Variants in UBE2O observed in about 807,000 individuals in gnomAD.
UBE2O encodes the protein (E3-independent) E2 ubiquitin-conjugating enzyme.
A neutral mutation model predicts 125.8 loss-of-function variants in UBE2O; 15 were observed. The ratio of observed to expected loss-of-function variants is 0.12; its 90% CI spans 0.08 to 0.18. The LOEUF is 0.18. UBE2O is among the 10% of genes least tolerant of loss of function. UBE2O has a pLI of 1.00. For missense variants in UBE2O, 1,280 were observed against 1,723.6 expected (o/e 0.74, Z 4.56); for synonymous variants, 708 against 703.2 (o/e 1.01, Z -0.11).
chr17:76,399,229 G>T lies in UBE2O; in HGVS notation c.1628+220C>A. The T allele has an allele frequency of 1.4e-6, 1 of 714,648 alleles. No homozygotes were observed. The highest frequency in any genetic ancestry group is 2.3e-6 in the Non-Finnish European group (1 of 439,962). 44.3% of individuals were successfully genotyped at this position (714,648 alleles called of 1,614,324 possible). On this transcript the variant is annotated intron_variant, in intron 9 of 17. Coordinates refer to ENST00000319380, the MANE Select transcript of UBE2O (RefSeq NM_022066.4). This position sits in a 1 kb window ranked among gnomAD's most constrained non-coding sequence, Gnocchi z 6.9. Reference sequence around the variant, plus strand: ...GGCAAATGTGGTTCCAGAAGGCCAAGCTTAAGGCCACCACCATCCCACCCT... The same window carrying T: ...GGCAAATGTGGTTCCAGAAGGCCAATCTTAAGGCCACCACCATCCCACCCT...
intron 1 of UBE2O, chr17:76,430,268 C>A (rs1330985752): frequency 2.0e-5 from 3 of 152,598 alleles, no homozygotes; most frequent in Admixed American, 2.0e-4. Context: ...GTTATTTTAG[C>A]AGAGTTTCTA....
chr17:76,443,772 T>A (rs1221141760), intron 1 of UBE2O, among the ~76,000 whole-genome samples: 1 of 151,550 alleles, frequency 6.6e-6, no homozygotes, highest in Non-Finnish European at 1.5e-5. Flanking sequence ...AGCAGGGAGG[T>A]CACTCCAAAA....
chr17:76,420,620 C>T (rs552711358), intron 1 of UBE2O, among the ~76,000 whole-genome samples: 6 of 152,310 alleles, frequency 3.9e-5, no homozygotes, highest in African/African-American at 1.4e-4. Context: ...TCTGTAACTA[C>T]ATCTTTGCGA....
In UBE2O at chr17:76,453,084, G is replaced by C; in HGVS notation, c.58C>G (p.Pro20Ala). 8.7e-7 allele frequency: 1 copy of C among 1,147,856 alleles called. No individual in the cohort carries two copies. The highest frequency in any genetic ancestry group is 1.1e-6 in the Non-Finnish European group (1 of 872,608). The allele number at this position is 1,147,856 out of a possible 1,614,324, so 71.1% of individuals were successfully genotyped here. ...GGGGCCGGGACTGCCTCCGGGGCTG[G>C]AGCCGGGGCCTGGGCTGGAGCGGGA... ...AAPAPAQAPAPAPEAVPAPAA... is the reference protein window; with the variant it reads ...AAPAPAQAPAAAPEAVPAPAA... Residue 20 changes from proline (P) to alanine (A), a missense_variant, in exon 1 of 18, where the codon CCA becomes GCA. Pro to Ala is a conservative substitution (Grantham distance 27). Around this residue, in one of 10 missense-constraint regions of UBE2O, gnomAD observed 188 missense variants for 192.5 expected, o/e 0.98. Coordinates refer to ENST00000319380, the MANE Select transcript of UBE2O (RefSeq NM_022066.4).
At position 76,423,956 on chromosome 17, in the gene UBE2O, CT is replaced by C. The variant is rs1311161280; in HGVS notation, c.418-18385del. On this transcript the variant is annotated intron_variant, in intron 1 of 17. Transcript: ENST00000319380. ...TCGCTCTGTCACCCAGGCTGTAGTG[CT>C]AGTGCAGCGGCGCGATCTTGGCTCA... 2.8e-3 allele frequency among the ~76,000 whole-genome samples: 336 copies of C among 120,764 alleles called. 1 individual carries two copies. The highest frequency in any genetic ancestry group is 3.6e-3 in the Non-Finnish European group (227 of 62,744). The allele number at this position is 120,764 out of a possible 152,430, so 79.2% of individuals were successfully genotyped here. A position where few individuals can be genotyped will look rare whatever the true frequency, so the allele number is the denominator to read the frequency against.
In UBE2O at chr17:76,391,039, A is replaced by G; in HGVS notation, c.3783T>C (p.Leu1261=). The change falls in exon 18 of 18, where the codon CTT becomes CTC. Residue 1261 remains leucine, a synonymous_variant. Coordinates refer to ENST00000319380, the MANE Select transcript of UBE2O (RefSeq NM_022066.4). The surrounding 1 kb of genome is among the most constrained non-coding windows in gnomAD (Gnocchi z 8.4). ...YPDIGFPLFP[L]SKGFIKSIRG... Reference sequence around the variant, plus strand: ...GGATGCTCTTGATGAAACCCTTGGAAAGTGGGAAGAGGGGGAAGCCGATGT... The same window carrying G: ...GGATGCTCTTGATGAAACCCTTGGAGAGTGGGAAGAGGGGGAAGCCGATGT... 1 of 1,613,950 alleles carries G rather than the reference A, an allele frequency of 6.2e-7. No homozygotes were observed. The highest frequency in any genetic ancestry group is 8.5e-7 in the Non-Finnish European group (1 of 1,180,012).
chr17:76,402,838 C>T lies in UBE2O; in HGVS notation c.589-139G>A. On this transcript the variant is annotated intron_variant, in intron 3 of 17. Coordinates refer to ENST00000319380, the MANE Select transcript of UBE2O (RefSeq NM_022066.4). The surrounding 1 kb of genome is among the most constrained non-coding windows in gnomAD (Gnocchi z 5.4). ...CTGACTGGACCGGTTGGCTACTAGC[C>T]CTAAACAGCTGCTGCAGCAGGCCCT... 2.9e-6 allele frequency: 2 copies of T among 688,194 alleles called. No individual in the cohort carries two copies. The highest frequency in any genetic ancestry group is 5.1e-6 in the Non-Finnish European group (2 of 391,064). The allele number at this position is 688,194 out of a possible 1,614,324, so 42.6% of individuals were successfully genotyped here.
At chr17:76,442,015 G>A in intron 1 of UBE2O, among the ~76,000 whole-genome samples, 1 of 152,308 alleles carries the variant, frequency 6.6e-6, no homozygotes, top group Admixed American at 6.5e-5. Context: ...CCTAAGGTGA[G>A]GACTGGGTGC....
intron 1 of UBE2O, among the ~76,000 whole-genome samples, chr17:76,443,734 C>T (rs1201538513): frequency 1.3e-5 from 2 of 151,996 alleles, no homozygotes; most frequent in Non-Finnish European, 2.9e-5. Flanking sequence ...TGGAAGTCAC[C>T]TAAATACAGG....
chr17:76,402,591 T>G lies in UBE2O; in HGVS notation c.686+11A>C. 6.2e-7 allele frequency: 1 copy of G among 1,612,380 alleles called. No individual in the cohort carries two copies. On this transcript the variant is annotated intron_variant, in intron 4 of 17. Transcript: ENST00000319380. The surrounding 1 kb of genome is among the most constrained non-coding windows in gnomAD (Gnocchi z 5.4). ...TCCCAAGCCGATGGCTCTCTGGTGGTGAGACTCTACCTGGCGCCGTTGGAT... is the reference window on the plus strand; with the variant it reads ...TCCCAAGCCGATGGCTCTCTGGTGGGGAGACTCTACCTGGCGCCGTTGGAT...
intron 1 of UBE2O, among the ~76,000 whole-genome samples, chr17:76,450,427 C>T (rs1035711923): frequency 6.6e-6 from 1 of 152,146 alleles, no homozygotes; most frequent in African/African-American, 2.4e-5. Context: ...AGAACTATAT[C>T]TTGCCACCCA....
chr17:76,424,207 CTTTTT>C (rs569775028), intron 1 of UBE2O, among the ~76,000 whole-genome samples: 1 of 105,288 alleles, frequency 9.5e-6, no homozygotes, highest in Non-Finnish European at 1.9e-5. Context: ...CGCGCCCGGC[CTTTTT>C]TTTTTTTTTT....
chr17:76,391,005 G>A lies in UBE2O; in HGVS notation c.3817C>T (p.Leu1273=). 6.2e-7 allele frequency: 1 copy of A among 1,613,776 alleles called. No homozygotes were observed. The highest frequency in any genetic ancestry group is 2.2e-5 in the East Asian group (1 of 44,886). Residue 1273 remains leucine (L), a synonymous_variant, in exon 18 of 18, where the codon CTG becomes TTG. Transcript: ENST00000319380. The surrounding 1 kb of genome is among the most constrained non-coding windows in gnomAD (Gnocchi z 8.4). ...AGCAGGGCAGCCCGGAACTGCGTCA[G>A]GACACCCCGGATGCTCTTGATGAAA... ...KGFIKSIRGV[L]TQFRAALLEA...
intron 1 of UBE2O, among the ~76,000 whole-genome samples, chr17:76,433,809 G>T (rs2072941094): frequency 6.6e-6 from 1 of 152,056 alleles, no homozygotes; most frequent in South Asian, 2.1e-4. Context: ...ATCGCTTGAG[G>T]AAAGGAGTTT....
intron 3 of UBE2O, among the ~76,000 whole-genome samples, chr17:76,403,009 C>T (rs985750249): frequency 6.6e-6 from 1 of 152,136 alleles, no homozygotes; most frequent in Non-Finnish European, 1.5e-5. Flanking sequence ...CATCCATGGA[C>T]ACAGGACACC....
intron 1 of UBE2O, among the ~76,000 whole-genome samples, chr17:76,427,647 T>C (rs1396453850): frequency 6.6e-6 from 1 of 152,250 alleles, no homozygotes; most frequent in Non-Finnish European, 1.5e-5. Context: ...GCTTCAGGGG[T>C]ATCGCCAGTC....
Position 76,399,176 on chromosome 17 carries a change from G to A in UBE2O, c.1629-185C>T. The A allele has an allele frequency of 1.2e-6, 1 of 828,466 alleles. No homozygotes were observed. The highest frequency in any genetic ancestry group is 1.8e-6 in the Non-Finnish European group (1 of 544,348). The allele number at this position is 828,466 out of a possible 1,614,324, so 51.3% of individuals were successfully genotyped here. A position where few individuals can be genotyped will look rare whatever the true frequency, so the allele number is the denominator to read the frequency against. On this transcript the variant is annotated intron_variant, in intron 9 of 17. Transcript: ENST00000319380. The surrounding 1 kb of genome is among the most constrained non-coding windows in gnomAD (Gnocchi z 6.9). The stretch of plus-strand genomic sequence containing the variant: ...AGGGTTCCAAGGCCACGCATTCTCT[G>A]AGAACAGGATCCACTTGGGAGAGCT...
chr17:76,423,978 G>C (rs1180990267), intron 1 of UBE2O, among the ~76,000 whole-genome samples: 3 of 133,990 alleles, frequency 2.2e-5, no homozygotes, highest in Non-Finnish European at 4.6e-5. Context: ...CGCGATCTTG[G>C]CTCACTGCAA....
intron 15 of UBE2O, among the ~76,000 whole-genome samples, chr17:76,394,734 C>T (rs2072175215): frequency 1.3e-5 from 2 of 152,098 alleles, no homozygotes; most frequent in South Asian, 4.1e-4. Context: ...GGGAAGAGGC[C>T]TATGATTCGG....
Sources: gnomAD v4.1 joint callset for allele counts (sites outside exome capture counted in the v4.1 genomes callset) on GRCh38, gnomAD v4.1.1 for gene constraint, gnomAD v4.1.1 regional missense constraint, Gnocchi (gnomAD v3.1) non-coding constraint, MANE v1.5 for transcripts, NCBI Gene and HGNC (gene_info 2026-07-23, HGNC 2026-07-21) for gene names.